Variants in KIAA1549L observed in about 807,000 individuals in gnomAD.
KIAA1549L encodes the protein UPF0606 protein KIAA1549L.
KIAA1549L carries 88 observed loss-of-function variants against 160.7 expected under a neutral mutation model. The ratio of observed to expected loss-of-function variants is 0.55; its 90% confidence interval spans 0.46 to 0.65. The LOEUF (loss-of-function observed/expected upper bound fraction) is 0.65. Among genes scored for constraint, KIAA1549L ranks in the 30% least tolerant of loss-of-function variants. The pLI is 0.00. For synonymous variants in KIAA1549L, 950 were observed against 976.7 expected (o/e 0.97, Z 0.51); for missense variants, 2,258 against 2,437.5 (o/e 0.93, Z 1.55).
intron 1 of KIAA1549L, among the ~76,000 whole-genome samples, chr11:33,525,783 G>A (rs937755810): frequency 3.9e-5 from 6 of 152,092 alleles, no homozygotes; most frequent in African/African-American, 1.4e-4. Context: ...GGTGAGGCAT[G>A]GTGGGAATGA....
chr11:33,565,445 A>C (rs1438789304), intron 8 of KIAA1549L, among the ~76,000 whole-genome samples: 2 of 152,226 alleles, frequency 1.3e-5, no homozygotes, highest in African/African-American at 4.8e-5. Context: ...TGACACGATC[A>C]GTAGTAGATT....
intron 3 of KIAA1549L, 105 bp downstream of exon 3, chr11:33,545,483 A>G: frequency 7.5e-7 from 1 of 1,332,640 alleles, no homozygotes; most frequent in Non-Finnish European, 1.0e-6. Context: ...ACATTTTTCC[A>G]CCCTCCCCCA....
chr11:33,412,022 C>G (rs1035183864), intron 1 of KIAA1549L, among the ~76,000 whole-genome samples: 7 of 152,162 alleles, frequency 4.6e-5, no homozygotes, highest in Non-Finnish European at 8.8e-5. Flanking sequence ...CTGACAATTG[C>G]AGGTCTGAAA....
At chr11:33,444,623 G>T (rs1851574151) in intron 1 of KIAA1549L, among the ~76,000 whole-genome samples, 1 of 152,208 alleles carries the variant, frequency 6.6e-6, no homozygotes, top group South Asian at 2.1e-4. Flanking sequence ...ATTCATTAAA[G>T]ATGAACTGTC....
chr11:33,387,586 A>G (rs1467022848), intron 1 of KIAA1549L, among the ~76,000 whole-genome samples: 2 of 152,056 alleles, frequency 1.3e-5, no homozygotes, highest in Non-Finnish European at 2.9e-5. Context: ...GATTATAGGC[A>G]TGAACTATCA....
At chr11:33,488,986 ATGT>A (rs1341464190) in intron 1 of KIAA1549L, among the ~76,000 whole-genome samples, 3 of 152,204 alleles carry the variant, frequency 2.0e-5, no homozygotes, top group African/African-American at 7.2e-5. Context: ...TACATTTGTT[ATGT>A]TGTTAAATCC....
chr11:33,573,378 T>C (rs1283952936), intron 9 of KIAA1549L, among the ~76,000 whole-genome samples: 1 of 152,208 alleles, frequency 6.6e-6, no homozygotes, highest in African/African-American at 2.4e-5. Context: ...TCCACGCCTG[T>C]ATCTCTAAAT....
intron 1 of KIAA1549L, among the ~76,000 whole-genome samples, chr11:33,408,949 C>CAAAAAAA (rs763850676): frequency 2.1e-4 from 14 of 66,820 alleles, no homozygotes; most frequent in East Asian, 1.0e-3. Flanking sequence ...GACTCCATCT[C>CAAAAAAA]AAAAAAAAAA....
chr11:33,595,949 C>T (rs903931659), intron 12 of KIAA1549L, among the ~76,000 whole-genome samples: 5 of 151,832 alleles, frequency 3.3e-5, no homozygotes, highest in Non-Finnish European at 2.9e-5. Flanking sequence ...AGTGTAGGGT[C>T]TTGGTGAGGC....
chr11:33,552,219 C>A lies in KIAA1549L; in HGVS notation c.3833C>A (p.Thr1278Asn), dbSNP rs1854486244. 3.1e-6 allele frequency: 5 copies of A among 1,604,096 alleles called. No individual in the cohort carries two copies. The highest frequency in any genetic ancestry group is 4.3e-6 in the Non-Finnish European group (5 of 1,175,052). The change falls in exon 6 of 21, where the codon ACC becomes AAC. Residue 1278 changes from threonine (T) to asparagine (N), a missense_variant. Physicochemically the swap from Thr to Asn is moderately conservative, Grantham distance 65 (BLOSUM62 0). Coordinates refer to ENST00000658780, the MANE Select transcript of KIAA1549L (RefSeq NM_012194.3). Reference sequence around the variant, plus strand: ...GATGCCGAGAGGAAAGTCCTGAATACCAAAAGCAACTTGACAATTCAGGTA... The same window carrying A: ...GATGCCGAGAGGAAAGTCCTGAATAACAAAAGCAACTTGACAATTCAGGTA... ...FQDAERKVLN[T>N]KSNLTIQIVS...
At chr11:33,435,796 A>ATATATATATGTGTGTGTGTGTGTG (rs1851352994) in intron 1 of KIAA1549L, among the ~76,000 whole-genome samples, 2 of 34,660 alleles carry the variant, frequency 5.8e-5, no homozygotes, top group African/African-American at 3.5e-4. Flanking sequence ...ATATATATAT[A>ATATATATATGTGTGTGTGTGTGTG]TATATATATA....
At chr11:33,446,245 C>T (rs1210557600) in intron 1 of KIAA1549L, among the ~76,000 whole-genome samples, 2 of 152,040 alleles carry the variant, frequency 1.3e-5, no homozygotes, top group African/African-American at 4.8e-5. Context: ...CAGGCGTGTG[C>T]TACTGTGCCT....
At chr11:33,503,835 G>T (rs1590294066) in intron 1 of KIAA1549L, among the ~76,000 whole-genome samples, 2 of 152,168 alleles carry the variant, frequency 1.3e-5, no homozygotes, top group South Asian at 4.1e-4. Flanking sequence ...TTATTAACTT[G>T]TTCTCACTGA....
chr11:33,606,737 T>C lies in KIAA1549L; in HGVS notation c.4976T>C (p.Leu1659Pro), dbSNP rs1374392540. 1.9e-6 allele frequency: 3 copies of C among 1,613,744 alleles called. No individual in the cohort carries two copies. In the African/African-American group the frequency reaches 4.0e-5, roughly 22 times the overall value. The part of the protein sequence containing the change: ...PFDTSSGSVQ[L>P]IAIKPTALPM... ...GACACATCTTCTGGGTCTGTGCAGC[T>C]CATTGCCATAAAACCCACAGCCCTC... The change falls in exon 14 of 21, where the codon CTC (leucine) becomes CCC (proline). Residue 1659 changes from leucine to proline, a missense_variant. Physicochemically the swap from Leu to Pro is moderately conservative, Grantham distance 98. This residue lies in a region of KIAA1549L where 1,359 missense variants were observed against 1,546.6 expected (regional missense o/e 0.88). Coordinates refer to ENST00000658780, the MANE Select transcript of KIAA1549L (RefSeq NM_012194.3).
intron 13 of KIAA1549L, 99 bp downstream of exon 13, chr11:33,599,046 G>A: frequency 1.4e-6 from 2 of 1,395,330 alleles, no homozygotes; most frequent in South Asian, 2.6e-5. Flanking sequence ...CACAGCCACT[G>A]GGCTCTGACC....
chr11:33,603,977 G>C (rs1850432192), intron 13 of KIAA1549L, among the ~76,000 whole-genome samples: 1 of 152,074 alleles, frequency 6.6e-6, no homozygotes, highest in Admixed American at 6.6e-5. Flanking sequence ...TCTGGTCAGG[G>C]GAAGAATGCC....
chr11:33,554,504 C>T (rs1436447770), intron 6 of KIAA1549L, among the ~76,000 whole-genome samples: 1 of 152,196 alleles, frequency 6.6e-6, no homozygotes, highest in African/African-American at 2.4e-5. Context: ...GCTCTCTCTT[C>T]CTGTCTTCGT....
Position 33,608,443 on chromosome 11 carries a change from A to T in KIAA1549L, c.5062-1306A>T, listed in dbSNP as rs188996174. Among the ~76,000 whole-genome samples, 91 of 152,406 alleles carry T rather than the reference A, an allele frequency of 6.0e-4. 1 individual carries two copies. Among genetic ancestry groups the T allele is most frequent in the Non-Finnish European group, 1.6e-4 (11 of 68,040 alleles). ...TGAATGTCTTCTCAAAACCAGTCAC[A>T]GTCACTGAATTTTCTCTTGGGCACA... is the stretch of plus-strand genomic sequence containing the variant. On this transcript the variant is annotated intron_variant, in intron 14 of 20. Coordinates refer to ENST00000658780, the MANE Select transcript of KIAA1549L (RefSeq NM_012194.3).
rs1420106940 is a variant in KIAA1549L at position 33,437,515 on chromosome 11, C to T, written c.238+60626C>T. Among the ~76,000 whole-genome samples the T allele has an allele frequency of 3.9e-5, 6 of 152,160 alleles. 1 individual carries two copies. The highest frequency in any genetic ancestry group is 8.8e-5 in the Non-Finnish European group (6 of 68,028). ...TCTTGGCTCTGCCACTTTTGAGACA[C>T]ATTGTGTTATCTTTCTGAACATTTA... On this transcript the variant is annotated intron_variant, in intron 1 of 20. Coordinates refer to ENST00000658780, the MANE Select transcript of KIAA1549L (RefSeq NM_012194.3).
Sources: gnomAD v4.1 joint callset for allele counts (sites outside exome capture counted in the v4.1 genomes callset) on GRCh38, gnomAD v4.1.1 for gene constraint, gnomAD v4.1.1 regional missense constraint, MANE v1.5 for transcripts, NCBI Gene and HGNC (gene_info 2026-07-23, HGNC 2026-07-21) for gene names.